Variants in STAB2 observed in about 807,000 individuals in gnomAD.
The protein encoded by STAB2 is stabilin 2.
A neutral mutation model predicts 338.1 loss-of-function variants in STAB2; 288 were observed. That is an observed-to-expected ratio of 0.85 (90% CI 0.77 to 0.94). STAB2 has a LOEUF of 0.94. Ranked by LOEUF, STAB2 falls within the 40% of genes least tolerant of loss-of-function variation. The pLI is 0.00. For synonymous variants in STAB2, 1,202 were observed against 1,193.3 expected (o/e 1.01, Z -0.15); for missense variants, 3,141 against 3,210.1 (o/e 0.98, Z 0.52).
intron 5 of STAB2, among the ~76,000 whole-genome samples, chr12:103,630,690 G>T (rs1565972422): frequency 6.6e-6 from 1 of 152,168 alleles, no homozygotes; most frequent in Non-Finnish European, 1.5e-5. Context: ...GATTTGGCCT[G>T]CCATTGTTAG....
intron 3 of STAB2, among the ~76,000 whole-genome samples, chr12:103,607,295 T>G (rs1957044404): frequency 6.6e-6 from 1 of 152,204 alleles, no homozygotes; most frequent in African/African-American, 2.4e-5. Flanking sequence ...TATTAAAATG[T>G]TTGAAGTTGT....
At chr12:103,746,367 A>T in intron 57 of STAB2, 2 of 395,548 alleles carry the variant, frequency 5.1e-6, no homozygotes, top group Non-Finnish European at 9.3e-6. Flanking sequence ...TTTTTCTCAT[A>T]TAAATCTCAA....
rs556327977 is a variant in STAB2, at chr12:103,613,671, C to T, written c.332-6797C>T. Reference sequence around the variant, plus strand: ...ATGCCTCGCCCTGCTTCAGCTCACACTAGGTGCACTGCACCCACTGTCCTG... The same window carrying T: ...ATGCCTCGCCCTGCTTCAGCTCACATTAGGTGCACTGCACCCACTGTCCTG... On this transcript the variant is annotated intron_variant, in intron 3 of 68. Coordinates refer to ENST00000388887, the MANE Select transcript of STAB2 (RefSeq NM_017564.10). Among the ~76,000 whole-genome samples, 5 of 152,318 alleles carry T rather than the reference C, an allele frequency of 3.3e-5. No individual in the cohort carries two copies. The East Asian group carries it at 9.7e-4, about 29-fold the overall frequency.
At position 103,750,704 on chromosome 12, in the gene STAB2, C is replaced by T. The variant is rs765280677; in HGVS notation, c.6564C>T (p.Val2188=). The T allele has an allele frequency of 1.2e-5, 20 of 1,613,508 alleles. No individual in the cohort carries two copies. The highest frequency in any genetic ancestry group is 1.6e-4 in the Middle Eastern group (1 of 6,082). Residue 2188 remains valine (V), a synonymous_variant, in exon 60 of 69, where the codon GTC becomes GTT. Transcript: ENST00000388887. The part of the protein sequence containing the change: ...NGQCHADAKC[V]DLHFQDTTVG... ...AGTGCCATGCAGACGCCAAATGTGTCGACCTCCACTTCCAGGGTTAGTGTG... is the reference window on the plus strand; with the variant it reads ...AGTGCCATGCAGACGCCAAATGTGTTGACCTCCACTTCCAGGGTTAGTGTG...
intron 6 of STAB2, among the ~76,000 whole-genome samples, chr12:103,635,095 T>C (rs1565975197): frequency 2.6e-5 from 4 of 152,230 alleles, no homozygotes; most frequent in Admixed American, 6.5e-5. Context: ...ATCTCTCACA[T>C]GTGTGCACAT....
At chr12:103,753,154 T>C (rs1379360584) in intron 60 of STAB2, 66 bp from the exon 61 acceptor site, 1 of 1,590,772 alleles carries the variant, frequency 6.3e-7, no homozygotes, top group Non-Finnish European at 8.6e-7. Flanking sequence ...TCCTTCAGAG[T>C]CCATTGTTGG....
intron 49 of STAB2, 137 bp from the exon 50 acceptor site, chr12:103,731,439 T>C (rs1593295371): frequency 1.3e-6 from 1 of 764,536 alleles, no homozygotes; most frequent in Non-Finnish European, 2.1e-6. Context: ...CAGAAGAGAG[T>C]TGGAGCAGGT....
At chr12:103,625,007 A>C (rs1264524015) in intron 5 of STAB2, among the ~76,000 whole-genome samples, 1 of 152,114 alleles carries the variant, frequency 6.6e-6, no homozygotes, top group Non-Finnish European at 1.5e-5. Flanking sequence ...ATTACATTAA[A>C]GGACAGCAAC....
chr12:103,689,208 C>T (rs566911485), intron 28 of STAB2, among the ~76,000 whole-genome samples: 3 of 152,136 alleles, frequency 2.0e-5, no homozygotes, highest in South Asian at 4.1e-4. Flanking sequence ...GGTGGCTGGG[C>T]GCAGTGGCTC....
At chr12:103,688,007 G>A (rs988818056) in intron 27 of STAB2, among the ~76,000 whole-genome samples, 161 bp from the exon 28 acceptor site, 12 of 152,206 alleles carry the variant, frequency 7.9e-5, no homozygotes, top group Admixed American at 7.2e-4. Context: ...GCTGGAGCAC[G>A]CATTCACATC....
At chr12:103,682,926 C>T (rs574956770) in intron 25 of STAB2, among the ~76,000 whole-genome samples, 11 of 150,830 alleles carry the variant, frequency 7.3e-5, no homozygotes, top group Non-Finnish European at 4.4e-5. Context: ...CCATCCTGGG[C>T]GACAGAGTGA....
At chr12:103,613,773 G>A (rs7978339) in intron 3 of STAB2, among the ~76,000 whole-genome samples, 3,730 of 152,196 alleles carry the variant, frequency 0.025, 64 homozygotes, top group Middle Eastern at 0.048. Context: ...CGTCTTCTGC[G>A]TCGCTCATGC....
intron 51 of STAB2, among the ~76,000 whole-genome samples, chr12:103,733,683 A>T (rs1325819078): frequency 6.6e-6 from 1 of 152,146 alleles, no homozygotes; most frequent in Non-Finnish European, 1.5e-5. Flanking sequence ...TCACATAGGA[A>T]CATATGTGAT....
chr12:103,593,845 T>C (rs1381283539), intron 2 of STAB2, among the ~76,000 whole-genome samples: 1 of 152,256 alleles, frequency 6.6e-6, no homozygotes, highest in African/African-American at 2.4e-5. Context: ...TCCAGAACTA[T>C]ATCTCAGCTG....
At position 103,677,576 on chromosome 12, in the gene STAB2, G is replaced by C; in HGVS notation, c.2770G>C (p.Asp924His). ...CLLPSAGGCH[D>H]NASCLYVGPG... ...GCTGCCCAGTGCAGGCGGCTGCCAC[G>C]ACAACGCATCCTGTTTGTATGTGGG... is the stretch of plus-strand genomic sequence containing the variant. Residue 924 changes from aspartate to histidine, a missense_variant, in exon 25 of 69, where the codon GAC (aspartate) becomes CAC (histidine). Coordinates refer to ENST00000388887, the MANE Select transcript of STAB2 (RefSeq NM_017564.10). 1 of 1,614,008 alleles carries C rather than the reference G, an allele frequency of 6.2e-7. No homozygotes were observed. The highest frequency in any genetic ancestry group is 1.7e-4 in the Middle Eastern group (1 of 6,060).
intron 59 of STAB2, 34 bp downstream of exon 59, chr12:103,749,190 A>G (rs754117041): frequency 2.6e-6 from 4 of 1,567,378 alleles, no homozygotes; most frequent in South Asian, 2.4e-5. Flanking sequence ...ATTTGGGAGC[A>G]GCGCCGTGGG....
chr12:103,744,522 A>C (rs1000608653), intron 56 of STAB2, among the ~76,000 whole-genome samples: 4 of 145,402 alleles, frequency 2.8e-5, no homozygotes, highest in African/African-American at 1.0e-4. Flanking sequence ...ACTGGTATAC[A>C]GTGGTGTGAT....
chr12:103,701,970 G>A (rs1179930178), intron 34 of STAB2, among the ~76,000 whole-genome samples: 2 of 138,814 alleles, frequency 1.4e-5, no homozygotes, highest in Admixed American at 7.6e-5. Context: ...CCCAACTTCA[G>A]CCCTGCTACA....
chr12:103,696,703 C>T (rs977333865), intron 33 of STAB2, among the ~76,000 whole-genome samples: 2 of 152,084 alleles, frequency 1.3e-5, no homozygotes, highest in Non-Finnish European at 2.9e-5. Flanking sequence ...GATAATCCAC[C>T]CCTCTAGGTC....
Sources: gnomAD v4.1 joint callset for allele counts (sites outside exome capture counted in the v4.1 genomes callset) on GRCh38, gnomAD v4.1.1 for gene constraint, MANE v1.5 for transcripts, NCBI Gene and HGNC (gene_info 2026-07-23, HGNC 2026-07-21) for gene names.